IL1RAPL2: variants seen among roughly 807,000 people sequenced by gnomAD.
IL1RAPL2 encodes the protein interleukin 1 receptor accessory protein like 2.
Under a neutral mutation model 44.1 loss-of-function variants are expected in IL1RAPL2, and 3 were observed. That is an observed-to-expected ratio of 0.07 (90% CI 0.03 to 0.18). The LOEUF is 0.18. Ranked by LOEUF, IL1RAPL2 falls within the 10% of genes least tolerant of loss-of-function variation. The pLI is 1.00. For synonymous variants in IL1RAPL2, 181 were observed against 178.8 expected, an observed-to-expected ratio of 1.01 and a Z score of -0.10; for missense variants, 391 against 496.4, an observed-to-expected ratio of 0.79 and a Z score of 2.02.
chrX:105,111,400 T>C (rs1403668675), intron 2 of IL1RAPL2, among the ~76,000 whole-genome samples: 2 of 111,468 alleles, frequency 1.8e-5, no homozygotes, highest in African/African-American at 6.5e-5. Context: ...CCCAAGTAAA[T>C]TGATACTAAT....
rs763809458 is a variant in IL1RAPL2, at chrX:104,671,179, TACACAC to T, written c.82+12195_82+12200del. Among the ~76,000 whole-genome samples, 97 of 109,133 alleles carry T rather than the reference TACACAC, an allele frequency of 8.9e-4. 1 individual carries two copies. Among genetic ancestry groups the T allele is most frequent in the Middle Eastern group, 4.7e-3 (1 of 213 alleles). The allele number at this position is 109,133 out of a possible 115,157, so 94.8% of individuals were successfully genotyped here. On this transcript the variant is annotated intron_variant, in intron 2 of 10. Coordinates refer to ENST00000372582, the MANE Select transcript of IL1RAPL2 (RefSeq NM_017416.2). ...ATAGGTATATACATATGCATGTGTA[TACACAC>T]ACACACACACGCACACACACAAACA...
chrX:105,745,989 C>A (rs1019015400), intron 8 of IL1RAPL2, among the ~76,000 whole-genome samples: 1 of 112,056 alleles, frequency 8.9e-6, no homozygotes, highest in African/African-American at 3.2e-5. Flanking sequence ...GGCCAGGCCT[C>A]CCTCTTATAT....
intron 2 of IL1RAPL2, among the ~76,000 whole-genome samples, chrX:105,118,882 G>A (rs1358245428): frequency 2.7e-5 from 3 of 112,056 alleles, no homozygotes; most frequent in Non-Finnish European, 5.6e-5. Flanking sequence ...AAATGGGCGG[G>A]TGCTTCTGGT....
At chrX:105,110,147 C>G (rs954365732) in intron 2 of IL1RAPL2, among the ~76,000 whole-genome samples, 2 of 112,177 alleles carry the variant, frequency 1.8e-5, no homozygotes, top group Admixed American at 1.9e-4. Context: ...TGATACCCAG[C>G]CAAGTCAGCT....
intron 3 of IL1RAPL2, among the ~76,000 whole-genome samples, chrX:105,213,517 G>A (rs112509024): frequency 9.0e-5 from 10 of 111,053 alleles, no homozygotes; most frequent in African/African-American, 3.3e-4. Flanking sequence ...GTACCTGAAA[G>A]TGACGGGGAG....
At chrX:104,921,899 T>C in intron 2 of IL1RAPL2, among the ~76,000 whole-genome samples, 1 of 112,283 alleles carries the variant, frequency 8.9e-6, no homozygotes, top group South Asian at 3.7e-4. Context: ...GTGCAGCAGC[T>C]GGGTGGGGTC....
chrX:105,469,750 C>T (rs753266680), intron 5 of IL1RAPL2, among the ~76,000 whole-genome samples: 5 of 110,796 alleles, frequency 4.5e-5, no homozygotes, highest in Non-Finnish European at 9.4e-5. Context: ...TTCTTATTAC[C>T]TATGTAATCT....
chrX:105,467,912 CT>C (rs1315539910), intron 5 of IL1RAPL2, among the ~76,000 whole-genome samples: 1 of 111,737 alleles, frequency 8.9e-6, no homozygotes, highest in Non-Finnish European at 1.9e-5. Context: ...CAGATTTCTA[CT>C]CTCCATTCCA....
rs1339828489 is a variant in IL1RAPL2, at chrX:105,632,028, C to T, written c.773-85339C>T. On this transcript the variant is annotated intron_variant, in intron 6 of 10. Transcript: ENST00000372582. Reference sequence around the variant, plus strand: ...ACAATCTTTCCTTTGTCTTCCCTTACTCTCCCCAGTCCTCTCTTATTCCTT... The same window carrying T: ...ACAATCTTTCCTTTGTCTTCCCTTATTCTCCCCAGTCCTCTCTTATTCCTT... 2.7e-5 allele frequency among the ~76,000 whole-genome samples: 3 copies of T among 110,587 alleles called. No homozygotes were observed. The Admixed American group carries it at 2.9e-4, about 11-fold the overall frequency.
At chrX:104,752,986 A>G (rs1423889200) in intron 2 of IL1RAPL2, among the ~76,000 whole-genome samples, 4 of 109,782 alleles carry the variant, frequency 3.6e-5, no homozygotes, top group African/African-American at 9.9e-5. Context: ...TTTCCCACCC[A>G]AACTCTTCTA....
chrX:104,579,827 A>T (rs1451352254), intron 1 of IL1RAPL2, among the ~76,000 whole-genome samples: 1 of 111,610 alleles, frequency 9.0e-6, no homozygotes, highest in African/African-American at 3.3e-5. Context: ...TCTACTGGGG[A>T]GTTTTGAAGG....
chrX:105,243,195 T>A (rs2034186577), intron 4 of IL1RAPL2, among the ~76,000 whole-genome samples: 1 of 111,135 alleles, frequency 9.0e-6, no homozygotes, highest in Non-Finnish European at 1.9e-5. Context: ...AGGGACCTGG[T>A]GGAAGGTGAT....
intron 7 of IL1RAPL2, among the ~76,000 whole-genome samples, chrX:105,732,457 C>T (rs1317086743): frequency 9.1e-6 from 1 of 109,698 alleles, no homozygotes; most frequent in Admixed American, 9.8e-5. Context: ...GTGTAGTGTG[C>T]ACCTCCCCAC....
chrX:105,254,086 G>A (rs2034295381), intron 4 of IL1RAPL2, among the ~76,000 whole-genome samples: 1 of 111,088 alleles, frequency 9.0e-6, no homozygotes, highest in African/African-American at 3.3e-5. Context: ...AGTATTGCTG[G>A]GTCAAATGGT....
intron 2 of IL1RAPL2, among the ~76,000 whole-genome samples, chrX:104,805,209 A>G (rs1932913596): frequency 8.9e-6 from 1 of 111,923 alleles, no homozygotes; most frequent in African/African-American, 3.2e-5. Context: ...CACTGAGAGT[A>G]TAAAAGCACA....
At chrX:104,614,235 G>C (rs1465794066) in intron 1 of IL1RAPL2, among the ~76,000 whole-genome samples, 1 of 110,816 alleles carries the variant, frequency 9.0e-6, no homozygotes, top group Non-Finnish European at 1.9e-5. Context: ...TAGCTTTGGC[G>C]GTAATTTGTT....
intron 2 of IL1RAPL2, among the ~76,000 whole-genome samples, chrX:104,770,070 A>C (rs1327442294): frequency 9.1e-6 from 1 of 110,149 alleles, no homozygotes; most frequent in Non-Finnish European, 1.9e-5. Context: ...TTTTTGTCCT[A>C]GGCCTATCTA....
intron 2 of IL1RAPL2, among the ~76,000 whole-genome samples, chrX:105,093,495 A>G (rs2032569669): frequency 9.0e-6 from 1 of 111,310 alleles, no homozygotes; most frequent in Non-Finnish European, 1.9e-5. Context: ...AATGACAAGT[A>G]ATAACAGGAG....
Position 105,235,868 on chromosome X carries a change from G to A in IL1RAPL2, c.543+1864G>A, listed in dbSNP as rs529221053. 3.6e-5 allele frequency among the ~76,000 whole-genome samples: 4 copies of A among 111,894 alleles called. No individual in the cohort carries two copies. In the South Asian group the frequency reaches 1.5e-3, roughly 42 times the overall value. On this transcript the variant is annotated intron_variant, in intron 4 of 10. Coordinates refer to ENST00000372582, the MANE Select transcript of IL1RAPL2 (RefSeq NM_017416.2). ...TGGAGAACAAAACCACTGAGGCTGA[G>A]AGAGATGTGACCTATCCAAAGTTAC...
Sources: allele counts gnomAD v4.1 joint callset (sites outside exome capture counted in the v4.1 genomes callset), GRCh38; gene constraint gnomAD v4.1.1; transcripts MANE v1.5; gene names NCBI Gene and HGNC (gene_info 2026-07-23, HGNC 2026-07-21).